NPR2: variants seen among roughly 807,000 people sequenced by gnomAD.
The protein encoded by NPR2 is atrial natriuretic peptide receptor 2.
In NPR2, 49 loss-of-function variants were observed where a neutral mutation model predicts 120.7. That is an observed-to-expected ratio of 0.41 (90% CI 0.32 to 0.52). NPR2 has a LOEUF of 0.52. Among genes scored for constraint, NPR2 ranks in the 20% least tolerant of loss-of-function variants. The pLI is 0.36. For missense variants in NPR2, 931 were observed against 1,362.9 expected (o/e 0.68, Z 4.99); for synonymous variants, 484 against 519.8 (o/e 0.93, Z 0.94).
At chr9:35,807,748 G>A (rs1340898813) in intron 18 of NPR2, among the ~76,000 whole-genome samples, 1 of 152,214 alleles carries the variant, frequency 6.6e-6, no homozygotes, top group Non-Finnish European at 1.5e-5. Flanking sequence ...ATTTAGTGGG[G>A]TGAGGGAAAA....
chr9:35,802,713 A>G lies in NPR2; in HGVS notation c.1816-19A>G, dbSNP rs770526240. 6.3e-7 allele frequency: 1 copy of G among 1,593,424 alleles called. No individual in the cohort carries two copies. The highest frequency in any genetic ancestry group is 1.7e-5 in the Admixed American group (1 of 60,000). On this transcript the variant is annotated intron_variant, in intron 11 of 21. Transcript: ENST00000342694. This position sits in a 1 kb window ranked among gnomAD's most constrained non-coding sequence, Gnocchi z 4.2. Reference sequence around the variant, plus strand: ...CTGGTGGGACCAGGACAGACAGTCTATTCCATGTCACTTACCAGGATATTC... The same window carrying G: ...CTGGTGGGACCAGGACAGACAGTCTGTTCCATGTCACTTACCAGGATATTC...
In NPR2 at chr9:35,802,024, G is replaced by A; in HGVS notation, c.1632+24G>A. 6.2e-7 allele frequency: 1 copy of A among 1,603,100 alleles called. No individual in the cohort carries two copies. Among genetic ancestry groups the A allele is most frequent in the Non-Finnish European group, 8.5e-7 (1 of 1,169,972 alleles). ...AGGTGAACAGTCATTTGCTTGTTCT[G>A]GTCCCCACCATTTCATCCTGTCTCA... On this transcript the variant is annotated intron_variant, in intron 9 of 21. Coordinates refer to ENST00000342694, the MANE Select transcript of NPR2 (RefSeq NM_003995.4). This position sits in a 1 kb window ranked among gnomAD's most constrained non-coding sequence, Gnocchi z 4.2.
chr9:35,805,789 C>A lies in NPR2; in HGVS notation c.2048-41C>A. The stretch of plus-strand genomic sequence containing the variant: ...TGAGCCCAGGTGGGCTTGGGGGTGC[C>A]CCATTTCGGGGGACCTGGCCAGCCG... On this transcript the variant is annotated intron_variant, in intron 13 of 21. Transcript: ENST00000342694. The surrounding 1 kb of genome is among the most constrained non-coding windows in gnomAD (Gnocchi z 4.9). 1.2e-6 allele frequency: 2 copies of A among 1,612,146 alleles called. No homozygotes were observed. The highest frequency in any genetic ancestry group is 1.7e-6 in the Non-Finnish European group (2 of 1,178,776).
rs1828409593 is a variant in NPR2 at position 35,806,819 on chromosome 9, G to A, written c.2520-204G>A. ...CAACTTGAGACAGCTCCCATGCACA[G>A]GGATTCCCCTCAAACCCCCCCGCCA... On this transcript the variant is annotated intron_variant, in intron 16 of 21. Coordinates refer to ENST00000342694, the MANE Select transcript of NPR2 (RefSeq NM_003995.4). This position sits in a 1 kb window ranked among gnomAD's most constrained non-coding sequence, Gnocchi z 4.6. Among the ~76,000 whole-genome samples, 1 of 152,154 alleles carries A rather than the reference G, an allele frequency of 6.6e-6. No homozygotes were observed. Among genetic ancestry groups the A allele is most frequent in the Non-Finnish European group, 1.5e-5 (1 of 68,034 alleles).
At chr9:35,793,272 A>G (rs1398817992) in intron 1 of NPR2, among the ~76,000 whole-genome samples, 197 bp downstream of exon 1, 3 of 152,174 alleles carry the variant, frequency 2.0e-5, no homozygotes, top group Non-Finnish European at 4.4e-5. Flanking sequence ...CCCTAGGCAG[A>G]TGCAAACAAG....
chr9:35,806,178 C>G lies in NPR2; in HGVS notation c.2317C>G (p.Pro773Ala). 1 of 1,614,194 alleles carries G rather than the reference C, an allele frequency of 6.2e-7. No homozygotes were observed. The highest frequency in any genetic ancestry group is 8.5e-7 in the Non-Finnish European group (1 of 1,180,038). ...GATGGAGCGATGTTGGGCTCAGGAC[C>G]CAGCTGAGCGGCCAGACTTTGGACA... ...LLMERCWAQD[P>A]AERPDFGQIK... is the part of the protein sequence containing the mutation. The change falls in exon 15 of 22, where the codon CCA (proline) becomes GCA (alanine). Residue 773 changes from proline to alanine, a missense_variant. Transcript: ENST00000342694. The surrounding 1 kb of genome is among the most constrained non-coding windows in gnomAD (Gnocchi z 4.6).
rs1480110839 is a variant in NPR2 at position 35,805,661 on chromosome 9, C to T, written c.2038C>T (p.Leu680Phe). Residue 680 changes from leucine (L) to phenylalanine (F), a missense_variant, in exon 13 of 22, where the codon CTC becomes TTC. Coordinates refer to ENST00000342694, the MANE Select transcript of NPR2 (RefSeq NM_003995.4). The surrounding 1 kb of genome is among the most constrained non-coding windows in gnomAD (Gnocchi z 4.9). ...STAEPDDSHA[L>F]YAKKLWTAPE... ...TGCTGAACCTGATGACAGCCATGCCCTCTATGCCAGTGAGGCCCACCCCCA... is the reference window on the plus strand; with the variant it reads ...TGCTGAACCTGATGACAGCCATGCCTTCTATGCCAGTGAGGCCCACCCCCA... 2.5e-6 allele frequency: 4 copies of T among 1,613,952 alleles called. No homozygotes were observed. The highest frequency in any genetic ancestry group is 3.4e-6 in the Non-Finnish European group (4 of 1,180,048).
chr9:35,798,700 C>T (rs1230794735), intron 2 of NPR2, among the ~76,000 whole-genome samples: 1 of 152,140 alleles, frequency 6.6e-6, no homozygotes, highest in Non-Finnish European at 1.5e-5. Context: ...TGCCAGTTTC[C>T]TGTTGGAGCA....
chr9:35,795,717 A>G (rs1486668158), intron 2 of NPR2, among the ~76,000 whole-genome samples: 2 of 152,236 alleles, frequency 1.3e-5, no homozygotes, highest in African/African-American at 4.8e-5. Flanking sequence ...TTGTCTGGGT[A>G]ATGCTTCCAT....
chr9:35,794,590 G>A (rs147904940), intron 2 of NPR2, among the ~76,000 whole-genome samples: 19 of 152,282 alleles, frequency 1.2e-4, no homozygotes, highest in African/African-American at 4.1e-4. Context: ...AAGTGAGACC[G>A]TATTGTGACT....
Position 35,805,994 on chromosome 9 carries a change from C to G in NPR2, c.2203+9C>G. 5 of 1,614,204 alleles carry G rather than the reference C, an allele frequency of 3.1e-6. No homozygotes were observed. The highest frequency in any genetic ancestry group is 4.2e-6 in the Non-Finnish European group (5 of 1,180,038). On this transcript the variant is annotated intron_variant, in intron 14 of 21. Coordinates refer to ENST00000342694, the MANE Select transcript of NPR2 (RefSeq NM_003995.4). This position sits in a 1 kb window ranked among gnomAD's most constrained non-coding sequence, Gnocchi z 4.9. ...GGACCTCAGCCCCAAAGGTAAGAGT[C>G]AATCCACTACCCACAGCCTCTTCTT... is the stretch of plus-strand genomic sequence containing the variant.
rs201880090 is a variant in NPR2 at position 35,801,189 on chromosome 9, C to T, written c.1436+35C>T. On this transcript the variant is annotated intron_variant, in intron 7 of 21. Transcript: ENST00000342694. ...GGGTTTCTTGCTGACCTACTCCCTG[C>T]CCCCATTGCCACACAACCTCTGGCT... The T allele has an allele frequency of 9.5e-6, 14 of 1,477,752 alleles. No individual in the cohort carries two copies. The Admixed American group carries it at 1.7e-4, about 18-fold the overall frequency. 91.5% of individuals were successfully genotyped at this position (1,477,752 alleles called of 1,614,324 possible). A position where few individuals can be genotyped will look rare whatever the true frequency, so the allele number is the denominator to read the frequency against.
chr9:35,795,634 C>G (rs1827923015), intron 2 of NPR2, among the ~76,000 whole-genome samples: 1 of 152,210 alleles, frequency 6.6e-6, no homozygotes, highest in African/African-American at 2.4e-5. Flanking sequence ...GTGACTGTCA[C>G]ACTTGAATAT....
chr9:35,808,387 T>A lies in NPR2; in HGVS notation c.2713-122T>A, dbSNP rs185890146. The A allele has an allele frequency of 2.4e-4, 334 of 1,400,130 alleles. 1 individual carries two copies. The East Asian group carries it at 6.4e-3, about 27-fold the overall frequency. 86.7% of individuals were successfully genotyped at this position (1,400,130 alleles called of 1,614,324 possible). On this transcript the variant is annotated intron_variant, in intron 18 of 21. Transcript: ENST00000342694. The surrounding 1 kb of genome is among the most constrained non-coding windows in gnomAD (Gnocchi z 4.0). ...CAGGACCATGGCACTTATTTTCTAGTCAATATTCTGGTCTCCAGCATGTCA... is the reference window on the plus strand; with the variant it reads ...CAGGACCATGGCACTTATTTTCTAGACAATATTCTGGTCTCCAGCATGTCA...
At chr9:35,799,344 C>T (rs1828051015) in intron 2 of NPR2, among the ~76,000 whole-genome samples, 1 of 151,628 alleles carries the variant, frequency 6.6e-6, no homozygotes, top group Admixed American at 6.6e-5. Flanking sequence ...TTGCCAGTTT[C>T]CACCTTCCCA....
At chr9:35,807,291 G>A in intron 17 of NPR2, 39 bp from the exon 18 acceptor site, 1 of 1,563,482 alleles carries the variant, frequency 6.4e-7, no homozygotes, top group Non-Finnish European at 8.8e-7. Context: ...AGAAAATTGG[G>A]CACAAGTCTC....
chr9:35,795,676 A>G (rs1172255028), intron 2 of NPR2, among the ~76,000 whole-genome samples: 1 of 152,216 alleles, frequency 6.6e-6, no homozygotes, highest in Non-Finnish European at 1.5e-5. Flanking sequence ...TGTTTATGCC[A>G]TAATGTTTTC....
chr9:35,805,574 G>A lies in NPR2; in HGVS notation c.1951G>A (p.Val651Met). The change falls in exon 13 of 22, where the codon GTG becomes ATG. Residue 651 changes from valine (V) to methionine (M), a missense_variant. Physicochemically the swap from Val to Met is conservative, Grantham distance 21. Transcript: ENST00000342694. This position sits in a 1 kb window ranked among gnomAD's most constrained non-coding sequence, Gnocchi z 4.9. The stretch of plus-strand genomic sequence containing the variant: ...TGGGAGTCTCAAGTCCTCCAACTGT[G>A]TGGTGGATAGTCGTTTTGTGCTCAA... ...SHGSLKSSNC[V>M]VDSRFVLKIT... is the part of the protein sequence containing the mutation. 1 of 1,614,118 alleles carries A rather than the reference G, an allele frequency of 6.2e-7. No individual in the cohort carries two copies. Among genetic ancestry groups the A allele is most frequent in the Non-Finnish European group, 8.5e-7 (1 of 1,179,968 alleles).
intron 2 of NPR2, among the ~76,000 whole-genome samples, chr9:35,794,830 C>CTT (rs534893154): frequency 2.5e-4 from 35 of 139,514 alleles, no homozygotes; most frequent in African/African-American, 8.2e-4. Context: ...GGGTCCTTGA[C>CTT]TTTTTGTGTG....
Sources: allele counts gnomAD v4.1 joint callset (sites outside exome capture counted in the v4.1 genomes callset), GRCh38; gene constraint gnomAD v4.1.1; non-coding constraint Gnocchi (gnomAD v3.1); transcripts MANE v1.5; gene names NCBI Gene and HGNC (gene_info 2026-07-23, HGNC 2026-07-21).